TAS2R1: variants seen among roughly 807,000 people sequenced by gnomAD.
TAS2R1 encodes the protein taste 2 receptor member 1, also known as taste receptor type 2 member 1.
For synonymous variants in TAS2R1, 141 were observed against 134.2 expected, an observed-to-expected ratio of 1.05 and a Z score of -0.35; for missense variants, 370 against 353.4, an observed-to-expected ratio of 1.05 and a Z score of -0.38.
chr5:9,647,130 C>T (rs1740205293), intron 2 of TAS2R1, among the ~76,000 whole-genome samples: 2 of 152,142 alleles, frequency 1.3e-5, no homozygotes, highest in Middle Eastern at 3.4e-3. Flanking sequence ...AAATTCAATA[C>T]AGTAAACTTA....
chr5:9,795,557 T>C, the TAS2R1 span, among the ~76,000 whole-genome samples: 1 of 152,244 alleles, frequency 6.6e-6, no homozygotes, highest in South Asian at 2.1e-4. Context: ...TCGGATAATG[T>C]CTTGAGGACT....
the TAS2R1 span, among the ~76,000 whole-genome samples, chr5:9,722,968 C>A: frequency 2.0e-5 from 3 of 152,200 alleles, no homozygotes; most frequent in African/African-American, 7.2e-5. Flanking sequence ...TGCTGCATGA[C>A]AAACACCCTG....
At chr5:9,819,437 T>C in the TAS2R1 span, among the ~76,000 whole-genome samples, 2 of 152,184 alleles carry the variant, frequency 1.3e-5, no homozygotes, top group Non-Finnish European at 2.9e-5. Context: ...ACAGTAGAAT[T>C]GGGCAGAAGT....
At chr5:9,901,279 AG>A in the TAS2R1 span, among the ~76,000 whole-genome samples, 1 of 150,534 alleles carries the variant, frequency 6.6e-6, no homozygotes. Context: ...TAGAGATTGT[AG>A]GGGACAAAGT....
chr5:9,810,019 C>T, the TAS2R1 span, among the ~76,000 whole-genome samples: 1 of 152,214 alleles, frequency 6.6e-6, no homozygotes, highest in African/African-American at 2.4e-5. Context: ...TTCTCTTACA[C>T]TCATTCTTTT....
chr5:9,856,273 T>C, the TAS2R1 span, among the ~76,000 whole-genome samples: 1 of 152,080 alleles, frequency 6.6e-6, no homozygotes, highest in Non-Finnish European at 1.5e-5. Flanking sequence ...CCCCGAGAAA[T>C]TCCTGCTTTG....
chr5:9,822,138 G>A, the TAS2R1 span, among the ~76,000 whole-genome samples: 3 of 151,920 alleles, frequency 2.0e-5, no homozygotes, highest in Non-Finnish European at 2.9e-5. Context: ...TAAGACTTTC[G>A]TATAGGTTAA....
At chr5:9,632,175 T>C (rs988958085), upstream of TAS2R1, among the ~76,000 whole-genome samples, 1 of 152,252 alleles carries the variant, frequency 6.6e-6, no homozygotes, top group African/African-American at 2.4e-5. Context: ...ACTAATTTGT[T>C]GGTTTTCCAG....
At chr5:9,890,516 TG>T in the TAS2R1 span, among the ~76,000 whole-genome samples, 1 of 152,190 alleles carries the variant, frequency 6.6e-6, no homozygotes, top group Non-Finnish European at 1.5e-5. Context: ...TATATATCAT[TG>T]TAGGGCTCAT....
chr5:9,671,613 C>T (rs896651446), intron 1 of TAS2R1, among the ~76,000 whole-genome samples: 5 of 151,960 alleles, frequency 3.3e-5, no homozygotes, highest in African/African-American at 1.2e-4. Flanking sequence ...ATGAGAATTA[C>T]AAAACACTGC....
At chr5:9,730,107 G>C in the TAS2R1 span, among the ~76,000 whole-genome samples, 1 of 152,184 alleles carries the variant, frequency 6.6e-6, no homozygotes, top group Admixed American at 6.5e-5. Flanking sequence ...GGATATAGTG[G>C]TGATTGCATT....
chr5:9,667,412 T>C (rs1166743948), intron 1 of TAS2R1, among the ~76,000 whole-genome samples: 2 of 152,204 alleles, frequency 1.3e-5, no homozygotes, highest in Non-Finnish European at 2.9e-5. Context: ...GACGGGCAAC[T>C]CTATCCACCT....
At chr5:9,807,192 C>T in the TAS2R1 span, among the ~76,000 whole-genome samples, 6 of 151,878 alleles carry the variant, frequency 4.0e-5, no homozygotes, top group Non-Finnish European at 5.9e-5. Flanking sequence ...CAAATAAAAA[C>T]CACAATGCAA....
the TAS2R1 span, among the ~76,000 whole-genome samples, chr5:9,769,111 T>C: frequency 6.6e-6 from 1 of 152,222 alleles, no homozygotes; most frequent in Admixed American, 6.5e-5. Context: ...CATTCTACTC[T>C]CTGTTTCCAT....
At chr5:9,699,140 A>C (rs929572877) in intron 1 of TAS2R1, among the ~76,000 whole-genome samples, 3 of 152,206 alleles carry the variant, frequency 2.0e-5, no homozygotes, top group African/African-American at 7.2e-5. Context: ...AGTCAGAGAG[A>C]ATGAATCCAG....
the TAS2R1 span, among the ~76,000 whole-genome samples, chr5:9,729,307 A>C: frequency 1.3e-5 from 1 of 78,936 alleles, no homozygotes; most frequent in African/African-American, 5.4e-5. Context: ...TGGGACAGTC[A>C]CGAATGAGGG....
chr5:9,685,477 T>C (rs1741106724), intron 1 of TAS2R1, among the ~76,000 whole-genome samples: 1 of 152,152 alleles, frequency 6.6e-6, no homozygotes, highest in Non-Finnish European at 1.5e-5. Flanking sequence ...ACATATTATG[T>C]TATATTGTAA....
the TAS2R1 span, among the ~76,000 whole-genome samples, chr5:9,735,782 C>A: frequency 9.1e-4 from 139 of 152,274 alleles, no homozygotes; most frequent in South Asian, 2.1e-3. Flanking sequence ...TTAAAGAATG[C>A]AAAGTTTTAT....
intron 1 of TAS2R1, among the ~76,000 whole-genome samples, chr5:9,704,612 G>A (rs909021245): frequency 6.6e-6 from 1 of 152,116 alleles, no homozygotes; most frequent in East Asian, 1.9e-4. Flanking sequence ...ATGGACAGAT[G>A]ACATGAAAAA....
Sources: gnomAD v4.1 joint callset for allele counts (sites outside exome capture counted in the v4.1 genomes callset) on GRCh38, gnomAD v4.1.1 for gene constraint, MANE v1.5 for transcripts, NCBI Gene and HGNC (gene_info 2026-07-23, HGNC 2026-07-21) for gene names.